TNS3: variants seen among roughly 807,000 people sequenced by gnomAD.
The protein encoded by TNS3 is tensin-3.
In TNS3, 45 loss-of-function variants were observed where a neutral mutation model predicts 140.9. The observed-to-expected ratio is 0.32, with a 90% confidence interval of 0.25 to 0.41. The LOEUF is 0.41. Ranked by LOEUF, TNS3 falls within the 10% of genes least tolerant of loss-of-function variation. TNS3 has a pLI of 1.00. For synonymous variants in TNS3, 815 were observed against 788.4 expected, an observed-to-expected ratio of 1.03 and a Z score of -0.56; for missense variants, 1,716 against 1,906.7, an observed-to-expected ratio of 0.90 and a Z score of 1.86.
chr7:47,385,894 A>T (rs1426916738), intron 16 of TNS3, among the ~76,000 whole-genome samples: 1 of 152,198 alleles, frequency 6.6e-6, no homozygotes, highest in Non-Finnish European at 1.5e-5. Flanking sequence ...GGCTGTTGAG[A>T]TCTTGGCAGA....
chr7:47,471,449 A>AG (rs3839717), intron 4 of TNS3, among the ~76,000 whole-genome samples: 21,287 of 152,068 alleles, frequency 0.14, 2,201 homozygotes, highest in African/African-American at 0.28. Flanking sequence ...ATGGAATGGA[A>AG]GGGGGTCTTC....
At chr7:47,330,375 T>C (rs565555825) in intron 20 of TNS3, among the ~76,000 whole-genome samples, 2 of 152,314 alleles carry the variant, frequency 1.3e-5, no homozygotes, top group East Asian at 3.9e-4. Context: ...CTCAGCTCCC[T>C]GGAGCTGAGA....
At chr7:47,414,888 T>A (rs1793989809) in intron 11 of TNS3, among the ~76,000 whole-genome samples, 1 of 152,140 alleles carries the variant, frequency 6.6e-6, no homozygotes, top group Non-Finnish European at 1.5e-5. Flanking sequence ...CGCCAGTCCC[T>A]CCCCTGATTA....
At chr7:47,413,288 G>C (rs1411357575) in intron 12 of TNS3, among the ~76,000 whole-genome samples, 1 of 109,832 alleles carries the variant, frequency 9.1e-6, no homozygotes, top group Non-Finnish European at 1.7e-5. Flanking sequence ...CTCTCGCTCT[G>C]TCACCTAGCC....
chr7:47,430,664 T>G (rs1239561422), intron 8 of TNS3, among the ~76,000 whole-genome samples: 1 of 152,064 alleles, frequency 6.6e-6, no homozygotes, highest in African/African-American at 2.4e-5. Context: ...ATAGATGGCA[T>G]GTTAGGCCAC....
intron 1 of TNS3, among the ~76,000 whole-genome samples, chr7:47,575,790 T>C (rs1584870215): frequency 8.7e-6 from 1 of 114,568 alleles, no homozygotes; most frequent in African/African-American, 3.5e-5. Context: ...ACCACTACAC[T>C]CCAGCCTGGG....
chr7:47,353,663 T>A (rs1004950517), intron 17 of TNS3, among the ~76,000 whole-genome samples: 1 of 152,208 alleles, frequency 6.6e-6, no homozygotes, highest in Non-Finnish European at 1.5e-5. Context: ...AATTACTTCT[T>A]ACACACTTCA....
rs1223684853 is a variant in TNS3 at position 47,293,838 on chromosome 7, GA to G, written c.3677-11del. The G allele has an allele frequency of 1.9e-6, 3 of 1,613,798 alleles. No homozygotes were observed. Among genetic ancestry groups the G allele is most frequent in the Non-Finnish European group, 2.5e-6 (3 of 1,179,806 alleles). ...TTGGCCAAATCTCCAGCTGTGGCAAGAAATTTAAAGAAAGAAGAATTTTTTG... is the reference window on the plus strand; with the variant it reads ...TTGGCCAAATCTCCAGCTGTGGCAAGAATTTAAAGAAAGAAGAATTTTTTG... On this transcript the variant is annotated splice_polypyrimidine_tract_variant and intron_variant, in intron 24 of 30. Coordinates refer to ENST00000311160, the MANE Select transcript of TNS3 (RefSeq NM_022748.12).
intron 3 of TNS3, among the ~76,000 whole-genome samples, chr7:47,496,389 A>G (rs1798008186): frequency 6.6e-6 from 1 of 152,156 alleles, no homozygotes; most frequent in South Asian, 2.1e-4. Context: ...ACCAGAGCTG[A>G]TGGGCAGGAG....
At chr7:47,280,247 A>G in intron 29 of TNS3, 39 bp downstream of exon 29, 1 of 1,614,000 alleles carries the variant, frequency 6.2e-7, no homozygotes, top group Non-Finnish European at 8.5e-7. Flanking sequence ...GGATAGAATT[A>G]AGTACACTCC....
Position 47,400,375 on chromosome 7 carries a change from T to G in TNS3, c.919+18A>C. The G allele has an allele frequency of 6.2e-7, 1 of 1,612,846 alleles. No individual in the cohort carries two copies. Among genetic ancestry groups the G allele is most frequent in the Non-Finnish European group, 8.5e-7 (1 of 1,178,844 alleles). Reference sequence around the variant, plus strand: ...CAGTGTCAGCAAGGACCACCCAGTATTCCACCAAGCTACCCACCTTGAATC... The same window carrying G: ...CAGTGTCAGCAAGGACCACCCAGTAGTCCACCAAGCTACCCACCTTGAATC... On this transcript the variant is annotated intron_variant, in intron 15 of 30. Transcript: ENST00000311160.
intron 23 of TNS3, among the ~76,000 whole-genome samples, chr7:47,299,161 G>A (rs1318175734): frequency 1.3e-5 from 2 of 152,122 alleles, no homozygotes; most frequent in South Asian, 2.1e-4. Flanking sequence ...TTTGAGATAG[G>A]CTCTCTCACT....
chr7:47,393,679 C>T (rs1031709073), intron 16 of TNS3, among the ~76,000 whole-genome samples: 1 of 152,116 alleles, frequency 6.6e-6, no homozygotes, highest in South Asian at 2.1e-4. Flanking sequence ...GGAGTCTGGG[C>T]ATGACTCTGC....
rs780611654 is a variant in TNS3 at position 47,369,278 on chromosome 7, G to A, written c.1368C>T (p.His456=). The A allele has an allele frequency of 6.8e-6, 11 of 1,614,204 alleles. No individual in the cohort carries two copies. Among genetic ancestry groups the A allele is most frequent in the Middle Eastern group, 1.6e-4 (1 of 6,062 alleles). The change falls in exon 17 of 31, where the codon CAC becomes CAT. Residue 456 remains histidine, a synonymous_variant. Transcript: ENST00000311160. ...DARSKYSGTR[H]VVPAQVHVNG... ...TCACGTGAACCTGGGCTGGCACCAC[G>A]TGGCGGGTCCCACTGTACTTGCTTC...
At chr7:47,521,353 C>T (rs1798971884) in intron 2 of TNS3, among the ~76,000 whole-genome samples, 1 of 152,202 alleles carries the variant, frequency 6.6e-6, no homozygotes, top group Admixed American at 6.5e-5. Flanking sequence ...GTGGGCATCG[C>T]AATGCACCAG....
rs150384779 is a variant in TNS3 at position 47,493,571 on chromosome 7, C to T, written c.-114-12430G>A. ...CGGTGGCTCACACCTGTAATCCCAG[C>T]ACTTTGGGAGGCCAAGGCGGGTGGA... On this transcript the variant is annotated intron_variant, in intron 3 of 30. Transcript: ENST00000311160. Among the ~76,000 whole-genome samples the T allele has an allele frequency of 7.2e-3, 1,093 of 151,798 alleles. 17 individuals are homozygous for T. The highest frequency in any genetic ancestry group is 0.025 in the African/African-American group (1,036 of 41,340).
chr7:47,414,292 T>C (rs1474405014), intron 11 of TNS3, among the ~76,000 whole-genome samples: 4 of 152,146 alleles, frequency 2.6e-5, no homozygotes, highest in African/African-American at 4.8e-5. Flanking sequence ...ACTCTGGCCA[T>C]AATGACCAGG....
chr7:47,296,652 C>G (rs548235651), intron 24 of TNS3, among the ~76,000 whole-genome samples: 1 of 152,096 alleles, frequency 6.6e-6, no homozygotes, highest in East Asian at 1.9e-4. Context: ...GGTATAGATA[C>G]AAGAATAGTA....
At chr7:47,450,728 A>G in intron 4 of TNS3, among the ~76,000 whole-genome samples, 1 of 151,930 alleles carries the variant, frequency 6.6e-6, no homozygotes, top group East Asian at 1.9e-4. Flanking sequence ...ACTGGCCCTC[A>G]CTCCTGCTTA....
Sources: gnomAD v4.1 joint callset for allele counts (sites outside exome capture counted in the v4.1 genomes callset) on GRCh38, gnomAD v4.1.1 for gene constraint, MANE v1.5 for transcripts, NCBI Gene and HGNC (gene_info 2026-07-23, HGNC 2026-07-21) for gene names.